SESTD1: variants seen among roughly 807,000 people sequenced by gnomAD.
The protein encoded by SESTD1 is SEC14 domain and spectrin repeat-containing protein 1.
In SESTD1, 43 loss-of-function variants were observed where a neutral mutation model predicts 101.7. The observed-to-expected ratio is 0.42, with a 90% CI of 0.33 to 0.55. The LOEUF (loss-of-function observed/expected upper bound fraction) is 0.55. SESTD1 is among the 20% of genes least tolerant of loss of function. The pLI, the probability that SESTD1 is intolerant of heterozygous loss-of-function variation, is 0.07. For synonymous variants in SESTD1, 283 were observed against 286.8 expected (o/e 0.99, Z 0.13); for missense variants, 647 against 815.1 (o/e 0.79, Z 2.51).
intron 1 of SESTD1, among the ~76,000 whole-genome samples, chr2:179,256,799 G>A (rs766258258): frequency 2.2e-5 from 3 of 133,376 alleles, no homozygotes; most frequent in South Asian, 2.6e-4. Flanking sequence ...GCGACAGAGC[G>A]AGACTCCACC....
intron 1 of SESTD1, among the ~76,000 whole-genome samples, chr2:179,197,952 C>T (rs1046656454): frequency 4.6e-5 from 7 of 151,844 alleles, no homozygotes; most frequent in African/African-American, 1.2e-4. Context: ...CAAATTCACA[C>T]ATAACAATAT....
chr2:179,112,979 T>G, intron 16 of SESTD1, 134 bp from the exon 17 acceptor site: 18 of 1,175,094 alleles, frequency 1.5e-5, no homozygotes, highest in Non-Finnish European at 1.9e-5. Flanking sequence ...ACAAATTTGG[T>G]AGATTAAAGG....
At chr2:179,178,468 T>TA (rs2046050010) in intron 3 of SESTD1, among the ~76,000 whole-genome samples, 4 of 150,974 alleles carry the variant, frequency 2.6e-5, no homozygotes, top group Admixed American at 6.6e-5. Flanking sequence ...CATCTCTATT[T>TA]AAAAAAAAAT....
chr2:179,136,447 A>T (rs2045146640), intron 9 of SESTD1, among the ~76,000 whole-genome samples: 1 of 152,248 alleles, frequency 6.6e-6, no homozygotes, highest in Admixed American at 6.5e-5. Context: ...AGAAATAAAA[A>T]GAACGAGTTT....
intron 1 of SESTD1, among the ~76,000 whole-genome samples, chr2:179,237,944 C>A (rs1361252914): frequency 1.3e-5 from 2 of 152,130 alleles, no homozygotes; most frequent in African/African-American, 4.8e-5. Context: ...TCCACATAGT[C>A]AAAAATCCAC....
At chr2:179,118,270 T>C (rs2044677528) in intron 13 of SESTD1, among the ~76,000 whole-genome samples, 1 of 152,232 alleles carries the variant, frequency 6.6e-6, no homozygotes, top group South Asian at 2.1e-4. Context: ...AAAAAAACTC[T>C]ACTGACCTCT....
intron 1 of SESTD1, among the ~76,000 whole-genome samples, chr2:179,223,576 C>T (rs2046843136): frequency 6.6e-6 from 1 of 151,874 alleles, no homozygotes; most frequent in Non-Finnish European, 1.5e-5. Context: ...GCAATATTCT[C>T]TAGAAAGTCT....
chr2:179,113,864 T>TGA (rs2044567886), intron 16 of SESTD1, among the ~76,000 whole-genome samples: 2 of 116,476 alleles, frequency 1.7e-5, no homozygotes, highest in African/African-American at 9.5e-5. Context: ...AGACTCTGTC[T>TGA]CAAAAAAAAA....
chr2:179,181,982 C>A, intron 3 of SESTD1, among the ~76,000 whole-genome samples: 2 of 93,440 alleles, frequency 2.1e-5, no homozygotes, highest in South Asian at 5.2e-4. Context: ...ACCGCTGTTT[C>A]CACAATATTA....
In SESTD1 at chr2:179,117,611, C is replaced by T. The variant is rs1043468496; in HGVS notation, c.1445G>A (p.Cys482Tyr). Residue 482 changes from cysteine to tyrosine, a missense_variant and splice_region_variant, in exon 14 of 18, where the codon TGT becomes TAT. Cys to Tyr is a radical substitution (Grantham distance 194). Transcript: ENST00000428443. ...MEDMQLRKQR[C>Y]EDMVDVRRLK... Reference sequence around the variant, plus strand: ...CCTTCGCACATCTACCATGTCTTCACATCTAATGAACCCAAACATAAATTT... The same window carrying T: ...CCTTCGCACATCTACCATGTCTTCATATCTAATGAACCCAAACATAAATTT... The T allele has an allele frequency of 1.3e-6, 2 of 1,563,792 alleles. No individual in the cohort carries two copies.
chr2:179,229,508 T>C (rs2046945419), intron 1 of SESTD1, among the ~76,000 whole-genome samples: 1 of 151,942 alleles, frequency 6.6e-6, no homozygotes, highest in Non-Finnish European at 1.5e-5. Context: ...GCCAGTTTCT[T>C]ACAAAAAAAT....
intron 1 of SESTD1, among the ~76,000 whole-genome samples, chr2:179,253,124 C>T (rs2047342120): frequency 6.6e-6 from 1 of 152,192 alleles, no homozygotes; most frequent in Admixed American, 6.5e-5. Context: ...ACCACCACTA[C>T]TACCCCCATC....
chr2:179,107,779 C>T lies in SESTD1; in HGVS notation c.*2120G>A, dbSNP rs150557895. The T allele has an allele frequency of 6.6e-6, 1 of 152,128 alleles. No individual in the cohort carries two copies. Among genetic ancestry groups the T allele is most frequent in the African/African-American group, 2.4e-5 (1 of 41,430 alleles). 9.4% of individuals were successfully genotyped at this position (152,128 alleles called of 1,614,324 possible). Reference sequence around the variant, plus strand: ...ACTGGGAATAGGAGAAGACAAGATTCCTTCCCTCAAAAGAGCTTACTGGGT... The same window carrying T: ...ACTGGGAATAGGAGAAGACAAGATTTCTTCCCTCAAAAGAGCTTACTGGGT... On this transcript the variant is annotated 3_prime_UTR_variant, in exon 18 of 18. Transcript: ENST00000428443.
At chr2:179,242,314 T>A (rs1574061884) in intron 1 of SESTD1, among the ~76,000 whole-genome samples, 1 of 152,118 alleles carries the variant, frequency 6.6e-6, no homozygotes, top group East Asian at 1.9e-4. Flanking sequence ...CTTAAACAAG[T>A]TATAGAGAAC....
At chr2:179,142,854 A>C (rs2045308979) in intron 9 of SESTD1, among the ~76,000 whole-genome samples, 1 of 152,190 alleles carries the variant, frequency 6.6e-6, no homozygotes, top group South Asian at 2.1e-4. Flanking sequence ...TTGATAGTAA[A>C]AACCAAGTCT....
In SESTD1 at chr2:179,176,360, T is replaced by C; in HGVS notation, c.255+88A>G. On this transcript the variant is annotated intron_variant, in intron 4 of 17. Coordinates refer to ENST00000428443, the MANE Select transcript of SESTD1 (RefSeq NM_178123.5). Reference sequence around the variant, plus strand: ...GTCACTGCTAGGAAGCCAGGCACAGTCCAATAAATTAAATGCATTTGCCAT... The same window carrying C: ...GTCACTGCTAGGAAGCCAGGCACAGCCCAATAAATTAAATGCATTTGCCAT... The C allele has an allele frequency of 3.2e-6, 3 of 949,890 alleles. No individual in the cohort carries two copies. The South Asian group carries it at 4.3e-5, about 14-fold the overall frequency. 58.8% of individuals were successfully genotyped at this position (949,890 alleles called of 1,614,324 possible).
chr2:179,255,009 A>C (rs763589150), intron 1 of SESTD1, among the ~76,000 whole-genome samples: 1 of 152,124 alleles, frequency 6.6e-6, no homozygotes, highest in Non-Finnish European at 1.5e-5. Context: ...TACTACTGTA[A>C]TTGTTTGGGG....
At chr2:179,230,025 T>A (rs2105536890) in intron 1 of SESTD1, among the ~76,000 whole-genome samples, 1 of 147,594 alleles carries the variant, frequency 6.8e-6, no homozygotes, top group South Asian at 2.1e-4. Flanking sequence ...AAAATAACGT[T>A]AGGACAATTA....
chr2:179,262,605 A>G (rs977034225), intron 1 of SESTD1, among the ~76,000 whole-genome samples: 4 of 152,246 alleles, frequency 2.6e-5, no homozygotes, highest in Non-Finnish European at 4.4e-5. Context: ...TAAAACTACT[A>G]TAACAGAGAA....
Sources: allele counts gnomAD v4.1 joint callset (sites outside exome capture counted in the v4.1 genomes callset), GRCh38; gene constraint gnomAD v4.1.1; transcripts MANE v1.5; gene names NCBI Gene and HGNC (gene_info 2026-07-23, HGNC 2026-07-21).